DYM: variants seen among roughly 807,000 people sequenced by gnomAD.
DYM encodes dyggve-Melchior-Clausen syndrome protein.
In DYM, 78 loss-of-function variants were observed where a neutral mutation model predicts 93.1. The ratio of observed to expected loss-of-function variants is 0.84; its 90% CI spans 0.70 to 1.01. DYM has a LOEUF of 1.01. Among genes scored for constraint, DYM ranks in the 50% least tolerant of loss-of-function variants. The pLI, the probability that DYM is intolerant of heterozygous loss-of-function variation, is 0.00. For synonymous variants in DYM, 321 were observed against 319.7 expected (o/e 1.00, Z -0.04); for missense variants, 789 against 845.0 (o/e 0.93, Z 0.82).
At chr18:49,360,478 C>T (rs1486465812) in intron 6 of DYM, among the ~76,000 whole-genome samples, 1 of 151,802 alleles carries the variant, frequency 6.6e-6, no homozygotes, top group Non-Finnish European at 1.5e-5. Context: ...AAAAATTAGC[C>T]GGGTGTGGTG....
At chr18:49,269,955 T>G (rs1314829941) in intron 11 of DYM, among the ~76,000 whole-genome samples, 1 of 152,246 alleles carries the variant, frequency 6.6e-6, no homozygotes, top group Non-Finnish European at 1.5e-5. Flanking sequence ...TATACAGGTG[T>G]GCCTTTTAAA....
At chr18:49,217,784 C>T (rs2093149048) in intron 13 of DYM, among the ~76,000 whole-genome samples, 1 of 152,144 alleles carries the variant, frequency 6.6e-6, no homozygotes, top group Non-Finnish European at 1.5e-5. Context: ...CAAACCGTAC[C>T]ACCCACTGCA....
At chr18:49,307,451 C>G (rs2061337349) in intron 8 of DYM, among the ~76,000 whole-genome samples, 1 of 151,998 alleles carries the variant, frequency 6.6e-6, no homozygotes, top group South Asian at 2.1e-4. Flanking sequence ...GCAAATTTGC[C>G]CATACTATTT....
At chr18:49,157,971 C>T (rs937748711) in intron 15 of DYM, among the ~76,000 whole-genome samples, 1 of 152,166 alleles carries the variant, frequency 6.6e-6, no homozygotes, top group African/African-American at 2.4e-5. Flanking sequence ...AATTACTGAA[C>T]ACCTATTATA....
At chr18:49,391,431 A>G in intron 3 of DYM, 162 bp downstream of exon 3, 1 of 699,796 alleles carries the variant, frequency 1.4e-6, no homozygotes, top group Middle Eastern at 3.9e-4. Flanking sequence ...CTATTGACTG[A>G]AGGGTACCTT....
intron 8 of DYM, among the ~76,000 whole-genome samples, chr18:49,306,344 T>G (rs1350382199): frequency 6.6e-6 from 1 of 152,208 alleles, no homozygotes; most frequent in Non-Finnish European, 1.5e-5. Context: ...GTTTTATGTT[T>G]TTTGTAATAT....
chr18:49,137,680 A>T (rs1434661000), intron 15 of DYM, among the ~76,000 whole-genome samples: 1 of 152,216 alleles, frequency 6.6e-6, no homozygotes, highest in Non-Finnish European at 1.5e-5. Flanking sequence ...TATAAATAAC[A>T]GATAGTTTTT....
At chr18:49,186,646 G>C (rs1042937807) in intron 14 of DYM, among the ~76,000 whole-genome samples, 1 of 152,076 alleles carries the variant, frequency 6.6e-6, no homozygotes, top group Non-Finnish European at 1.5e-5. Flanking sequence ...GCTCAGATTT[G>C]AAACATTTTT....
rs1341728300 is a variant in DYM at position 49,203,167 on chromosome 18, G to C, written c.1625+6384C>G. Among the ~76,000 whole-genome samples, 14 of 92,822 alleles carry C rather than the reference G, an allele frequency of 1.5e-4. 1 individual carries two copies. Among genetic ancestry groups the C allele is most frequent in the African/African-American group, 5.8e-4 (14 of 24,260 alleles). The allele number at this position is 92,822 out of a possible 152,430, so 60.9% of individuals were successfully genotyped here. On this transcript the variant is annotated intron_variant, in intron 14 of 17. Transcript: ENST00000675505. ...CTCTGCCCGGCCAGCCGCCCCGTCC[G>C]GGAGGGAGGTTGGGGGGTCAGCCCC... is the stretch of plus-strand genomic sequence containing the variant.
At chr18:49,366,149 T>G (rs974106036) in intron 5 of DYM, among the ~76,000 whole-genome samples, 21 of 152,222 alleles carry the variant, frequency 1.4e-4, no homozygotes, top group African/African-American at 5.1e-4. Flanking sequence ...TAATTGTATT[T>G]TAAGTGAAGA....
intron 17 of DYM, among the ~76,000 whole-genome samples, chr18:49,089,272 A>G (rs746789269): frequency 1.9e-4 from 29 of 152,230 alleles, no homozygotes; most frequent in Non-Finnish European, 3.8e-4. Flanking sequence ...ACAAAGAAAA[A>G]GGAAGTTGAG....
rs1307133269 is a variant in DYM at position 49,038,010 on chromosome 18, A to T, written c.*6045T>A. Among the ~76,000 whole-genome samples the T allele has an allele frequency of 1.3e-5, 2 of 152,078 alleles. No homozygotes were observed. The highest frequency in any genetic ancestry group is 4.8e-5 in the African/African-American group (2 of 41,414). ...CAGTTAATTTTTTTATTTTTTGTAA[A>T]GGTGGGGCCTCATTATGTTGCCCAA... On this transcript the variant is annotated 3_prime_UTR_variant, in exon 18 of 18. Coordinates refer to ENST00000675505, the MANE Select transcript of DYM (RefSeq NM_001353214.3).
rs1391297333 is a variant in DYM, at chr18:49,236,706, G to A, written c.1460+20304C>T. ...AACAAAGTCTTTTAAAAATAACAAC[G>A]TAAGTAAATAGGAAAATGTGAACTT... On this transcript the variant is annotated intron_variant, in intron 13 of 17. Transcript: ENST00000675505. Among the ~76,000 whole-genome samples the A allele has an allele frequency of 2.4e-4, 36 of 152,118 alleles. 1 individual carries two copies. Among genetic ancestry groups the A allele is most frequent in the Admixed American group, 2.3e-3 (35 of 15,268 alleles).
intron 14 of DYM, among the ~76,000 whole-genome samples, chr18:49,200,689 C>T (rs1159681440): frequency 2.0e-5 from 3 of 151,938 alleles, no homozygotes; most frequent in Admixed American, 6.6e-5. Flanking sequence ...TTGGTAAATA[C>T]TTCTAGCATA....
chr18:49,409,708 T>C (rs1446616588), intron 2 of DYM, among the ~76,000 whole-genome samples: 1 of 152,180 alleles, frequency 6.6e-6, no homozygotes, highest in Non-Finnish European at 1.5e-5. Flanking sequence ...GTTTCCACAA[T>C]AAAAATAAAT....
At chr18:49,265,570 C>T (rs1371190257) in intron 11 of DYM, among the ~76,000 whole-genome samples, 2 of 151,612 alleles carry the variant, frequency 1.3e-5, no homozygotes, top group East Asian at 3.9e-4. Context: ...CCTGAGGTCG[C>T]GAGTTCGAGA....
chr18:49,277,341 A>G (rs2094870339), intron 10 of DYM, among the ~76,000 whole-genome samples: 1 of 152,236 alleles, frequency 6.6e-6, no homozygotes, highest in Non-Finnish European at 1.5e-5. Context: ...AGAATCCTGC[A>G]GCAGGACACA....
chr18:49,158,295 G>A (rs373049010), intron 15 of DYM, among the ~76,000 whole-genome samples: 1 of 152,280 alleles, frequency 6.6e-6, no homozygotes, highest in African/African-American at 2.4e-5. Context: ...TATCCTGTAA[G>A]TAGGTACTAT....
At chr18:49,330,908 G>A (rs2063259672) in intron 8 of DYM, among the ~76,000 whole-genome samples, 5 of 152,146 alleles carry the variant, frequency 3.3e-5, no homozygotes, top group Admixed American at 2.0e-4. Flanking sequence ...ATCAAAGGAA[G>A]GCAAATCTAA....
Sources: allele counts gnomAD v4.1 joint callset (sites outside exome capture counted in the v4.1 genomes callset), GRCh38; gene constraint gnomAD v4.1.1; transcripts MANE v1.5; gene names NCBI Gene and HGNC (gene_info 2026-07-23, HGNC 2026-07-21).